TYW1: variants seen among roughly 807,000 people sequenced by gnomAD.
TYW1 encodes tRNA-yW synthesizing protein 1 homolog.
In TYW1, 46 loss-of-function variants were observed where a neutral mutation model predicts 96.2. The observed-to-expected ratio is 0.48, with a 90% CI of 0.38 to 0.61. The LOEUF (loss-of-function observed/expected upper bound fraction) is 0.61. TYW1 is among the 20% of genes least tolerant of loss of function. TYW1 has a pLI of 0.00. For synonymous variants in TYW1, 274 were observed against 323.0 expected (o/e 0.85, Z 1.63); for missense variants, 684 against 909.6 (o/e 0.75, Z 3.19).
intron 15 of TYW1, among the ~76,000 whole-genome samples, chr7:67,230,439 T>TC (rs1293525229): frequency 7.9e-5 from 12 of 150,948 alleles, no homozygotes; most frequent in African/African-American, 2.9e-4. Flanking sequence ...AGTTAAAAAG[T>TC]CCAAGTTTAT....
At chr7:67,178,731 AG>A in intron 13 of TYW1, among the ~76,000 whole-genome samples, 1 of 152,138 alleles carries the variant, frequency 6.6e-6, no homozygotes, top group East Asian at 1.9e-4. Context: ...GGCAAAAACT[AG>A]ACTATTATGT....
chr7:67,016,830 G>T (rs1170662324), intron 5 of TYW1, among the ~76,000 whole-genome samples: 5 of 151,916 alleles, frequency 3.3e-5, no homozygotes, highest in African/African-American at 1.2e-4. Flanking sequence ...TTTTACTTTG[G>T]TGCCCAGGCT....
intron 15 of TYW1, among the ~76,000 whole-genome samples, chr7:67,230,652 C>CTTT (rs34585182): frequency 8.4e-6 from 1 of 119,558 alleles, no homozygotes; most frequent in Non-Finnish European, 1.7e-5. Context: ...CTTATTATCT[C>CTTT]TTTTTTTTTT....
intron 15 of TYW1, among the ~76,000 whole-genome samples, chr7:67,221,500 G>A (rs955273204): frequency 1.6e-4 from 24 of 152,272 alleles, no homozygotes; most frequent in South Asian, 1.5e-3. Flanking sequence ...AATAATGACC[G>A]ATATGGAGGG....
At chr7:67,083,125 T>C (rs1796436817) in intron 10 of TYW1, among the ~76,000 whole-genome samples, 1 of 152,158 alleles carries the variant, frequency 6.6e-6, no homozygotes, top group South Asian at 2.1e-4. Flanking sequence ...CAGTTTGCCT[T>C]GTTTGTGTAC....
chr7:67,176,563 A>G (rs571091881), intron 13 of TYW1, among the ~76,000 whole-genome samples: 2 of 152,344 alleles, frequency 1.3e-5, no homozygotes, highest in South Asian at 2.1e-4. Context: ...GGATATGTTA[A>G]GTTAAAATAC....
chr7:67,161,066 T>C (rs1799149011), intron 13 of TYW1, among the ~76,000 whole-genome samples: 1 of 152,218 alleles, frequency 6.6e-6, no homozygotes, highest in Non-Finnish European at 1.5e-5. Context: ...TTCTGAGCTT[T>C]CTACTGTGTT....
At chr7:67,215,015 GA>G (rs923864305) in intron 15 of TYW1, among the ~76,000 whole-genome samples, 2 of 149,282 alleles carry the variant, frequency 1.3e-5, no homozygotes, top group Non-Finnish European at 3.0e-5. Context: ...CAGTCTCATA[GA>G]ATGGGTTAGG....
intron 13 of TYW1, among the ~76,000 whole-genome samples, chr7:67,126,609 AT>A (rs1356325475): frequency 2.0e-5 from 3 of 152,086 alleles, no homozygotes; most frequent in Non-Finnish European, 2.9e-5. Context: ...TTTACATTTA[AT>A]TTTGTAATCC....
Position 67,152,891 on chromosome 7 carries a change from A to G in TYW1, c.1699-30235A>G, listed in dbSNP as rs529038209. On this transcript the variant is annotated intron_variant, in intron 13 of 15. Coordinates refer to ENST00000359626, the MANE Select transcript of TYW1 (RefSeq NM_018264.4). ...GCTGGGATTGCAGGCGTGAGCCACC[A>G]TGCCCTGCCATATTCCCCAGTTTTT... Among the ~76,000 whole-genome samples the G allele has an allele frequency of 9.6e-4, 146 of 152,228 alleles. 1 individual carries two copies. The highest frequency in any genetic ancestry group is 3.4e-3 in the African/African-American group (141 of 41,554).
chr7:67,168,793 C>T lies in TYW1; in HGVS notation c.1699-14333C>T, dbSNP rs538441427. Among the ~76,000 whole-genome samples, 9 of 152,122 alleles carry T rather than the reference C, an allele frequency of 5.9e-5. No individual in the cohort carries two copies. In the South Asian group the frequency reaches 1.9e-3, roughly 32 times the overall value. On this transcript the variant is annotated intron_variant, in intron 13 of 15. Coordinates refer to ENST00000359626, the MANE Select transcript of TYW1 (RefSeq NM_018264.4). ...GTGTTGCGATCTTGGCTCACTGCCA[C>T]CTCCGCCTCCCAGGTTCAAGCGGTT... is the stretch of plus-strand genomic sequence containing the variant.
Position 67,143,010 on chromosome 7 carries a change from G to A in TYW1, c.1698+25392G>A, listed in dbSNP as rs148899626. Among the ~76,000 whole-genome samples, 374 of 149,094 alleles carry A rather than the reference G, an allele frequency of 2.5e-3. 14 individuals are homozygous for A. The East Asian group carries it at 0.07, about 28-fold the overall frequency. On this transcript the variant is annotated intron_variant, in intron 13 of 15. Coordinates refer to ENST00000359626, the MANE Select transcript of TYW1 (RefSeq NM_018264.4). Reference sequence around the variant, plus strand: ...GGAAGTTGAAATGAGCCAAGATAGCGCCATTGCACTCCAGCCTGGAACAAC... The same window carrying A: ...GGAAGTTGAAATGAGCCAAGATAGCACCATTGCACTCCAGCCTGGAACAAC...
chr7:67,177,057 T>C (rs533443268), intron 13 of TYW1, among the ~76,000 whole-genome samples: 1 of 152,300 alleles, frequency 6.6e-6, no homozygotes, highest in African/African-American at 2.4e-5. Flanking sequence ...AAGTGTGATA[T>C]TGAGACAATG....
chr7:67,155,943 T>C (rs1320419800), intron 13 of TYW1, among the ~76,000 whole-genome samples: 2 of 151,562 alleles, frequency 1.3e-5, no homozygotes, highest in Non-Finnish European at 2.9e-5. Flanking sequence ...AGCAGTGTAG[T>C]CTTTTTATGA....
intron 3 of TYW1, among the ~76,000 whole-genome samples, chr7:67,008,007 A>T (rs1793663131): frequency 6.6e-6 from 1 of 151,910 alleles, no homozygotes; most frequent in South Asian, 2.1e-4. Flanking sequence ...GACTGCCCCC[A>T]CTTCAGACAC....
At chr7:67,069,188 A>C (rs1795960686) in intron 10 of TYW1, among the ~76,000 whole-genome samples, 1 of 152,190 alleles carries the variant, frequency 6.6e-6, no homozygotes, top group Non-Finnish European at 1.5e-5. Context: ...AAATTTTAGC[A>C]AGTAGACAAT....
intron 13 of TYW1, among the ~76,000 whole-genome samples, chr7:67,134,423 A>G (rs1463385372): frequency 7.4e-6 from 1 of 135,784 alleles, no homozygotes; most frequent in African/African-American, 3.1e-5. Context: ...GGCGCCTGTA[A>G]TTCAGCTACT....
At position 67,220,994 on chromosome 7, in the gene TYW1, TGGGTTTACA is replaced by T. The variant is rs1343884817; in HGVS notation, c.1978-17311_1978-17303del. On this transcript the variant is annotated intron_variant, in intron 15 of 15. Transcript: ENST00000359626. Reference sequence around the variant, plus strand: ...CACCTGCCTTGGCCTCCCAAAGTGCTGGGTTTACAGGTGTGAGCCACCGCGCCCGTCCAA... The same window carrying T: ...CACCTGCCTTGGCCTCCCAAAGTGCTGGTGTGAGCCACCGCGCCCGTCCAA... Among the ~76,000 whole-genome samples the T allele has an allele frequency of 7.9e-5, 12 of 152,332 alleles. No individual in the cohort carries two copies. In the East Asian group the frequency reaches 2.1e-3, roughly 27 times the overall value.
At position 67,183,168 on chromosome 7, in the gene TYW1, A is replaced by G. The variant is rs779626948; in HGVS notation, c.1741A>G (p.Asn581Asp). The G allele has an allele frequency of 1.3e-5, 21 of 1,612,508 alleles. No homozygotes were observed. The highest frequency in any genetic ancestry group is 3.3e-4 in the Middle Eastern group (2 of 6,052). The change falls in exon 14 of 16, where the codon AAC becomes GAC. Residue 581 changes from asparagine to aspartate, a missense_variant. By Grantham distance (23) the Asn-to-Asp change is conservative. Transcript: ENST00000359626. Reference protein sequence around the residue: ...VYRLTLVKAWNVDELQAYAQL... With the variant: ...VYRLTLVKAWDVDELQAYAQL... Reference sequence around the variant, plus strand: ...CAGACTGACGCTCGTGAAAGCATGGAACGTGGACGAGCTCCAGGCCTACGC... The same window carrying G: ...CAGACTGACGCTCGTGAAAGCATGGGACGTGGACGAGCTCCAGGCCTACGC...
Sources: allele counts gnomAD v4.1 joint callset (sites outside exome capture counted in the v4.1 genomes callset), GRCh38; gene constraint gnomAD v4.1.1; transcripts MANE v1.5; gene names NCBI Gene and HGNC (gene_info 2026-07-23, HGNC 2026-07-21).